The following XPO4 variants were observed in gnomAD, a reference collection of about 807,000 sequenced individuals.
XPO4 encodes the protein exportin-4.
A neutral mutation model predicts 143.0 loss-of-function variants in XPO4; 39 were observed. The ratio of observed to expected loss-of-function variants is 0.27; its 90% confidence interval spans 0.21 to 0.36. The LOEUF is 0.36. Ranked by LOEUF, XPO4 falls within the 10% of genes least tolerant of loss-of-function variation. The pLI is 1.00. For missense variants in XPO4, 907 were observed against 1,348.0 expected (o/e 0.67, Z 5.12); for synonymous variants, 439 against 474.0 (o/e 0.93, Z 0.96).
chr13:20,787,623 A>G (rs747186827), intron 20 of XPO4, 25 bp from the exon 21 acceptor site: 1 of 1,585,836 alleles, frequency 6.3e-7, no homozygotes, highest in Non-Finnish European at 8.7e-7. Context: ...CAAAGAACAA[A>G]CTAGATTGGA....
chr13:20,788,284 T>C (rs2059233973), intron 20 of XPO4, among the ~76,000 whole-genome samples: 1 of 152,124 alleles, frequency 6.6e-6, no homozygotes, highest in African/African-American at 2.4e-5. Flanking sequence ...CTCGAACTCC[T>C]GACCTCAGGT....
chr13:20,875,603 T>C (rs1002465767), intron 1 of XPO4, among the ~76,000 whole-genome samples: 3 of 152,178 alleles, frequency 2.0e-5, no homozygotes, highest in Non-Finnish European at 4.4e-5. Context: ...AAAGCCTCGG[T>C]TCCTTCTTTG....
chr13:20,877,970 G>A (rs1413382464), intron 1 of XPO4, among the ~76,000 whole-genome samples: 1 of 152,222 alleles, frequency 6.6e-6, no homozygotes, highest in Non-Finnish European at 1.5e-5. Flanking sequence ...GCCAAGGCAG[G>A]TAGATGGCTT....
At chr13:20,901,165 G>A (rs2060617169) in intron 1 of XPO4, among the ~76,000 whole-genome samples, 1 of 152,160 alleles carries the variant, frequency 6.6e-6, no homozygotes, top group African/African-American at 2.4e-5. Flanking sequence ...AATATGTAAA[G>A]TATGTAAAGC....
chr13:20,874,536 G>T (rs1170165806), intron 1 of XPO4, among the ~76,000 whole-genome samples: 6 of 152,190 alleles, frequency 3.9e-5, no homozygotes. Flanking sequence ...CAAGAGTGGG[G>T]TCCTGATAAA....
At chr13:20,870,108 G>C (rs1045388731) in intron 1 of XPO4, among the ~76,000 whole-genome samples, 1 of 90,346 alleles carries the variant, frequency 1.1e-5, no homozygotes, top group African/African-American at 4.6e-5. Flanking sequence ...AAAAAAAAAA[G>C]AATTGTGTTA....
intron 3 of XPO4, among the ~76,000 whole-genome samples, chr13:20,860,607 T>A (rs2060188171): frequency 6.6e-6 from 1 of 152,222 alleles, no homozygotes; most frequent in Non-Finnish European, 1.5e-5. Flanking sequence ...GTACTTACCT[T>A]TCTTTATGTA....
chr13:20,841,143 T>C (rs1344769665), intron 6 of XPO4, among the ~76,000 whole-genome samples: 1 of 152,212 alleles, frequency 6.6e-6, no homozygotes. Flanking sequence ...TGTTGATTTT[T>C]CCCTACATAT....
At chr13:20,868,168 TAA>T (rs148953281) in intron 2 of XPO4, among the ~76,000 whole-genome samples, 6 of 141,574 alleles carry the variant, frequency 4.2e-5, no homozygotes, top group South Asian at 2.2e-4. Flanking sequence ...ACTAAATGGT[TAA>T]AAAAAAAAAA....
chr13:20,851,339 G>A, intron 4 of XPO4: 1 of 985,060 alleles, frequency 1.0e-6, no homozygotes, highest in Non-Finnish European at 1.2e-6. Flanking sequence ...ATTTCATCCT[G>A]CAATCCTGAA....
intron 6 of XPO4, among the ~76,000 whole-genome samples, chr13:20,838,184 A>G (rs2059937457): frequency 6.6e-6 from 1 of 152,214 alleles, no homozygotes; most frequent in South Asian, 2.1e-4. Flanking sequence ...TTAAATATTA[A>G]TATCTAAATA....
rs1233722437 is a variant in XPO4 at position 20,902,685 on chromosome 13, C to T, written c.54G>A (p.Ala18=). Residue 18 remains alanine, a synonymous_variant, in exon 1 of 23, where the codon GCG becomes GCA. Transcript: ENST00000255305. The part of the protein sequence containing the change: ...PPEVIAQLEN[A]AKVLMAPPSM... ...GCGTCCTCACCATCAGAACTTTAGC[C>T]GCGTTCTCCAGCTGAGCGATCACTT... 2 of 1,580,098 alleles carry T rather than the reference C, an allele frequency of 1.3e-6. No individual in the cohort carries two copies. Among genetic ancestry groups the T allele is most frequent in the Non-Finnish European group, 1.7e-6 (2 of 1,163,552 alleles).
intron 4 of XPO4, chr13:20,848,417 CA>C (rs1228239751): frequency 1.3e-5 from 13 of 985,182 alleles, no homozygotes; most frequent in Non-Finnish European, 1.6e-5. Context: ...TAAGGGCTAC[CA>C]CCCTCTGCCA....
chr13:20,876,377 G>A (rs1202439026), intron 1 of XPO4, among the ~76,000 whole-genome samples: 7 of 151,452 alleles, frequency 4.6e-5, no homozygotes, highest in Admixed American at 4.6e-4. Flanking sequence ...AAAAAACAAT[G>A]GAATGGGGAA....
intron 4 of XPO4, among the ~76,000 whole-genome samples, chr13:20,854,960 T>C (rs754462126): frequency 6.6e-6 from 1 of 152,214 alleles, no homozygotes; most frequent in Non-Finnish European, 1.5e-5. Context: ...CAAACACTTC[T>C]GTATTCACTA....
intron 19 of XPO4, among the ~76,000 whole-genome samples, chr13:20,789,742 T>C (rs1479823938): frequency 6.6e-6 from 1 of 150,946 alleles, no homozygotes; most frequent in Non-Finnish European, 1.5e-5. Flanking sequence ...CTACTCCTTG[T>C]CTTTATCTCG....
chr13:20,798,500 T>C (rs2059387103), intron 16 of XPO4, among the ~76,000 whole-genome samples: 1 of 152,196 alleles, frequency 6.6e-6, no homozygotes, highest in Non-Finnish European at 1.5e-5. Flanking sequence ...ATATCATGGT[T>C]AATCTGCATC....
In XPO4 at chr13:20,879,204, G is replaced by A. The variant is rs1274267986; in HGVS notation, c.70-10503C>T. 3.0e-6 allele frequency: 3 copies of A among 985,202 alleles called. No individual in the cohort carries two copies. The African/African-American group carries it at 5.2e-5, about 17-fold the overall frequency. 61.0% of individuals were successfully genotyped at this position (985,202 alleles called of 1,614,324 possible). A position where few individuals can be genotyped will look rare whatever the true frequency, so the allele number is the denominator to read the frequency against. ...TAAAGCCAGGGCCCATCTCAGGTAG[G>A]GATCTAACAAGATATCCCTCCACAT... is the stretch of plus-strand genomic sequence containing the variant. On this transcript the variant is annotated intron_variant, in intron 1 of 22. Transcript: ENST00000255305.
At chr13:20,823,613 T>C (rs1367513054) in intron 7 of XPO4, among the ~76,000 whole-genome samples, 10 of 151,128 alleles carry the variant, frequency 6.6e-5, no homozygotes, top group African/African-American at 2.2e-4. Flanking sequence ...GGGAAACCAA[T>C]AAAAATAATA....
Sources: gnomAD v4.1 joint callset for allele counts (sites outside exome capture counted in the v4.1 genomes callset) on GRCh38, gnomAD v4.1.1 for gene constraint, MANE v1.5 for transcripts, NCBI Gene and HGNC (gene_info 2026-07-23, HGNC 2026-07-21) for gene names.